Variants in IL36B observed in about 807,000 individuals in gnomAD.
The protein encoded by IL36B is interleukin-36 beta.
A neutral mutation model predicts 19.3 loss-of-function variants in IL36B; 23 were observed. The observed-to-expected ratio is 1.19, with a 90% CI of 0.86 to 1.69. The LOEUF is 1.69. Ranked by LOEUF, IL36B falls within the 40% of genes most tolerant of loss-of-function variation. The pLI is 0.00. For missense variants in IL36B, 217 were observed against 200.5 expected (o/e 1.08, Z -0.50); for synonymous variants, 59 against 59.7 (o/e 0.99, Z 0.05).
At chr2:113,041,156 C>A (rs374450671) in intron 1 of IL36B, among the ~76,000 whole-genome samples, 3,426 of 127,916 alleles carry the variant, frequency 0.027, 3 homozygotes, top group Middle Eastern at 0.06. Context: ...GACTTTGCCA[C>A]ACACAAAAAA....
chr2:113,031,611 G>T, intron 2 of IL36B, 86 bp downstream of exon 2: 1 of 1,164,810 alleles, frequency 8.6e-7, no homozygotes, highest in Non-Finnish European at 1.3e-6. Context: ...TTATAGCTTA[G>T]CAAATGATAG....
At chr2:113,043,815 A>C (rs949142818) in intron 1 of IL36B, among the ~76,000 whole-genome samples, 8 of 152,156 alleles carry the variant, frequency 5.3e-5, no homozygotes, top group Admixed American at 2.6e-4. Flanking sequence ...AGGTCTCCCA[A>C]AGTGCTGGAA....
Position 113,046,950 on chromosome 2 carries a change from G to A in IL36B, c.-58+5867C>T, listed in dbSNP as rs34158762. ...TGAAGGTTATGTTGTAATTTCTTGAGAGTTGGATAGCTAAATAAATAATTT... is the reference window on the plus strand; with the variant it reads ...TGAAGGTTATGTTGTAATTTCTTGAAAGTTGGATAGCTAAATAAATAATTT... On this transcript the variant is annotated intron_variant, in intron 1 of 5. Transcript: ENST00000259213. Among the ~76,000 whole-genome samples the A allele has an allele frequency of 6.8e-3, 1,031 of 152,316 alleles. 14 individuals are homozygous for A. Among genetic ancestry groups the A allele is most frequent in the African/African-American group, 0.024 (988 of 41,568 alleles).
At chr2:113,047,288 A>G (rs997340543) in intron 1 of IL36B, among the ~76,000 whole-genome samples, 19 of 152,156 alleles carry the variant, frequency 1.2e-4, no homozygotes, top group African/African-American at 4.1e-4. Flanking sequence ...GTACTTTTGT[A>G]TTACAGGTTG....
intron 1 of IL36B, among the ~76,000 whole-genome samples, chr2:113,032,742 C>T (rs1053942358): frequency 6.6e-6 from 1 of 152,154 alleles, no homozygotes; most frequent in East Asian, 1.9e-4. Flanking sequence ...AAAGCTGGTC[C>T]AGGACTCCCA....
At chr2:113,042,436 T>C (rs1573375216) in intron 1 of IL36B, among the ~76,000 whole-genome samples, 1 of 152,308 alleles carries the variant, frequency 6.6e-6, no homozygotes, top group African/African-American at 2.4e-5. Context: ...CATGAACATA[T>C]TCACCATCCC....
intron 1 of IL36B, among the ~76,000 whole-genome samples, chr2:113,039,752 A>T (rs1685222921): frequency 6.6e-6 from 1 of 152,254 alleles, no homozygotes; most frequent in Admixed American, 6.5e-5. Flanking sequence ...TTAATTCTCC[A>T]TTAAAAGAGA....
chr2:113,049,059 T>G (rs1685397412), intron 1 of IL36B, among the ~76,000 whole-genome samples: 1 of 152,210 alleles, frequency 6.6e-6, no homozygotes, highest in Admixed American at 6.5e-5. Context: ...TGGTGGGTGA[T>G]GATGGTGATG....
At chr2:113,025,064 C>T (rs2105038799) in intron 5 of IL36B, among the ~76,000 whole-genome samples, 1 of 152,256 alleles carries the variant, frequency 6.6e-6, no homozygotes, top group Admixed American at 6.5e-5. Context: ...AAATGCAAAC[C>T]CTCAGACTGT....
At chr2:113,026,049 A>G in intron 5 of IL36B, 1 of 1,591,142 alleles carries the variant, frequency 6.3e-7, no homozygotes. Flanking sequence ...ATGAAGAATG[A>G]ACGCATCTCA....
At position 113,031,733 on chromosome 2, in the gene IL36B, A is replaced by C. The variant is rs750287936; in HGVS notation, c.-24T>G. The stretch of plus-strand genomic sequence containing the variant: ...ATGATGTCTTCAGAGCCTTTTGTGA[A>C]GAGAACAAGATAGATCAGATGGTGG... On this transcript the variant is annotated 5_prime_UTR_variant, in exon 2 of 6. Coordinates refer to ENST00000259213, the MANE Select transcript of IL36B (RefSeq NM_014438.5). The C allele has an allele frequency of 3.1e-6, 5 of 1,597,530 alleles. No homozygotes were observed. The African/African-American group carries it at 6.7e-5, about 21-fold the overall frequency.
intron 1 of IL36B, among the ~76,000 whole-genome samples, chr2:113,043,421 T>G (rs1685295025): frequency 6.6e-6 from 1 of 152,240 alleles, no homozygotes; most frequent in African/African-American, 2.4e-5. Flanking sequence ...TTTTCCATTT[T>G]GATTTATGAT....
rs1047658933 is a variant in IL36B, at chr2:113,040,848, T to C, written c.-57-9082A>G. ...ATCTCTACCATAATAGCACTAGGCTTTTTTTTTGGTTGAAATTGCCAAGCT... is the reference window on the plus strand; with the variant it reads ...ATCTCTACCATAATAGCACTAGGCTCTTTTTTTGGTTGAAATTGCCAAGCT... On this transcript the variant is annotated intron_variant, in intron 1 of 5. Coordinates refer to ENST00000259213, the MANE Select transcript of IL36B (RefSeq NM_014438.5). Among the ~76,000 whole-genome samples, 16 of 152,116 alleles carry C rather than the reference T, an allele frequency of 1.1e-4. No individual in the cohort carries two copies. The South Asian group carries it at 1.5e-3, about 14-fold the overall frequency.
At chr2:113,026,364 C>G in intron 4 of IL36B, 1 of 1,413,396 alleles carries the variant, frequency 7.1e-7, no homozygotes, top group South Asian at 1.4e-5. Flanking sequence ...CAGGAGTATC[C>G]CAAAGAGAAT....
intron 1 of IL36B, among the ~76,000 whole-genome samples, chr2:113,033,592 G>A (rs1251507118): frequency 2.0e-5 from 3 of 152,128 alleles, no homozygotes; most frequent in African/African-American, 4.8e-5. Context: ...AGAAAACAGC[G>A]GCTCTGAGGG....
chr2:113,028,040 A>T, intron 4 of IL36B: 14 of 1,614,096 alleles, frequency 8.7e-6, no homozygotes, highest in Non-Finnish European at 1.2e-5. Flanking sequence ...ACAGAAGTGG[A>T]GCCTTCTTTA....
At chr2:113,031,207 A>T (rs759029749) in intron 2 of IL36B, 52 bp from the exon 3 acceptor site, 1 of 1,210,496 alleles carries the variant, frequency 8.3e-7, no homozygotes, top group Non-Finnish European at 1.2e-6. Flanking sequence ...CAACTTCAGG[A>T]CTCCAGTTGC....
Position 113,029,494 on chromosome 2 carries a change from C to G in IL36B, c.122-416G>C, listed in dbSNP as rs114007384. ...TCTTAGAAATCAGGCATGTTTTGCA[C>G]GTAGACCTACCAATCTTTGCTAATA... On this transcript the variant is annotated intron_variant, in intron 3 of 5. Coordinates refer to ENST00000259213, the MANE Select transcript of IL36B (RefSeq NM_014438.5). Among the ~76,000 whole-genome samples the G allele has an allele frequency of 6.9e-3, 1,057 of 152,088 alleles. 16 individuals are homozygous for G. The highest frequency in any genetic ancestry group is 0.024 in the African/African-American group (1,013 of 41,472).
chr2:113,052,174 T>C (rs903901029), intron 1 of IL36B, among the ~76,000 whole-genome samples: 2 of 152,106 alleles, frequency 1.3e-5, no homozygotes, highest in Admixed American at 6.5e-5. Context: ...GGTCTTGAAC[T>C]CCTGGCCTCA....
Sources: allele counts gnomAD v4.1 joint callset (sites outside exome capture counted in the v4.1 genomes callset), GRCh38; gene constraint gnomAD v4.1.1; transcripts MANE v1.5; gene names NCBI Gene and HGNC (gene_info 2026-07-23, HGNC 2026-07-21).